The following SLC8A1 variants were observed in gnomAD, a reference collection of about 807,000 sequenced individuals.
SLC8A1 encodes solute carrier family 8 member A1, also known as sodium/calcium exchanger 1.
Under a neutral mutation model 68.3 loss-of-function variants are expected in SLC8A1, and 18 were observed. That is an observed-to-expected ratio of 0.26 (90% CI 0.18 to 0.39). SLC8A1 has a LOEUF of 0.39. SLC8A1 is among the 10% of genes least tolerant of loss of function. The pLI, the probability that SLC8A1 is intolerant of heterozygous loss-of-function variation, is 1.00. For synonymous variants in SLC8A1, 475 were observed against 415.5 expected, an observed-to-expected ratio of 1.14 and a Z score of -1.74; for missense variants, 985 against 1,156.7, an observed-to-expected ratio of 0.85 and a Z score of 2.15.
exon 6 of SLC8A1, chr2:40,160,790 G>T: frequency 6.2e-7 from 1 of 1,613,186 alleles, no homozygotes. Context: ...TAGCTTCAAT[G>T]AACTGTTCTC....
At chr2:40,152,274 C>T (rs956527226) in intron 6 of SLC8A1, among the ~76,000 whole-genome samples, 1 of 152,146 alleles carries the variant, frequency 6.6e-6, no homozygotes, top group Non-Finnish European at 1.5e-5. Flanking sequence ...CAGCAAACAA[C>T]CTTCCAATAT....
intron 1 of SLC8A1, among the ~76,000 whole-genome samples, chr2:40,457,946 G>T (rs1208405894): frequency 6.6e-6 from 1 of 152,182 alleles, no homozygotes. Flanking sequence ...CTGTACGCAT[G>T]TATCAGCTGG....
chr2:40,326,832 T>A (rs1018367494), intron 2 of SLC8A1, among the ~76,000 whole-genome samples: 1 of 152,118 alleles, frequency 6.6e-6, no homozygotes, highest in Admixed American at 6.6e-5. Flanking sequence ...TCCATTTAAA[T>A]TGACGATGTA....
At chr2:40,288,464 T>G (rs965530152) in intron 2 of SLC8A1, among the ~76,000 whole-genome samples, 3 of 152,104 alleles carry the variant, frequency 2.0e-5, no homozygotes, top group Non-Finnish European at 2.9e-5. Flanking sequence ...GGTCATGGCT[T>G]GGCTAATATT....
intron 1 of SLC8A1, among the ~76,000 whole-genome samples, chr2:40,442,631 C>G (rs931975166): frequency 6.6e-6 from 1 of 152,038 alleles, no homozygotes; most frequent in South Asian, 2.1e-4. Flanking sequence ...TGTGGACAAA[C>G]AGAAATGCTT....
In SLC8A1 at chr2:40,269,055, G is replaced by C. The variant is rs571137408; in HGVS notation, c.1809-91200C>G. On this transcript the variant is annotated intron_variant, in intron 2 of 7. Transcript: ENST00000406785. ...ATGCTCCTATGAAAACCACGAAGATGATGGGTCTATGAGACCTGAGAGAGT... is the reference window on the plus strand; with the variant it reads ...ATGCTCCTATGAAAACCACGAAGATCATGGGTCTATGAGACCTGAGAGAGT... Among the ~76,000 whole-genome samples the C allele has an allele frequency of 2.6e-5, 4 of 152,314 alleles. No homozygotes were observed. The East Asian group carries it at 5.8e-4, about 22-fold the overall frequency.
At position 40,429,391 on chromosome 2, in the gene SLC8A1, T is replaced by C. The variant is rs769326076; in HGVS notation, c.890A>G (p.Asn297Ser). The C allele has an allele frequency of 1.6e-5, 26 of 1,613,818 alleles. No individual in the cohort carries two copies. The Admixed American group carries it at 2.2e-4, about 13-fold the overall frequency. The change falls in exon 2 of 8, where the codon AAT becomes AGT. Residue 297 changes from asparagine (N) to serine (S), a missense_variant. Transcript: ENST00000406785. ...ATCTAAGAAATTTTCAACATGAGAA[T>C]TGACCACTTTCCCGTCCATTTCAAT...
chr2:40,269,386 G>A (rs1173583984), intron 2 of SLC8A1, among the ~76,000 whole-genome samples: 4 of 152,056 alleles, frequency 2.6e-5, no homozygotes, highest in Non-Finnish European at 5.9e-5. Context: ...CTTCCACTTC[G>A]AAGAAAATGG....
intron 2 of SLC8A1, among the ~76,000 whole-genome samples, chr2:40,347,329 C>G (rs1392653578): frequency 6.6e-6 from 1 of 152,192 alleles, no homozygotes; most frequent in Non-Finnish European, 1.5e-5. Flanking sequence ...ATCAACCTAA[C>G]CATGTAAAAG....
In SLC8A1 at chr2:40,357,663, A is replaced by T. The variant is rs1673139796; in HGVS notation, c.1808+70810T>A. On this transcript the variant is annotated intron_variant, in intron 2 of 7. Coordinates refer to ENST00000406785, the Ensembl canonical transcript of SLC8A1. ...TATGTAACAAACCTGCACGTTCTGCACATGTATCCGAGAACTTAAAGTATA... is the reference window on the plus strand; with the variant it reads ...TATGTAACAAACCTGCACGTTCTGCTCATGTATCCGAGAACTTAAAGTATA... 2.0e-5 allele frequency among the ~76,000 whole-genome samples: 3 copies of T among 152,172 alleles called. No individual in the cohort carries two copies. The South Asian group carries it at 6.2e-4, about 32-fold the overall frequency.
At chr2:40,409,794 G>T (rs1576239871) in intron 2 of SLC8A1, among the ~76,000 whole-genome samples, 1 of 152,210 alleles carries the variant, frequency 6.6e-6, no homozygotes, top group Non-Finnish European at 1.5e-5. Context: ...ACACAGAAAA[G>T]GCAGTGAGAA....
chr2:40,199,719 G>A (rs1313251819), intron 2 of SLC8A1, among the ~76,000 whole-genome samples: 1 of 151,664 alleles, frequency 6.6e-6, no homozygotes, highest in African/African-American at 2.4e-5. Flanking sequence ...CAAAAACTCA[G>A]CCATAGAGTT....
intron 2 of SLC8A1, among the ~76,000 whole-genome samples, chr2:40,253,286 A>ATG (rs1263343343): frequency 2.0e-5 from 3 of 150,726 alleles, no homozygotes; most frequent in Admixed American, 6.6e-5. Context: ...TGACGTATAT[A>ATG]TGTGTATATA....
chr2:40,104,226 A>G (rs2034064340), exon 8 of SLC8A1: 1 of 152,230 alleles, frequency 6.6e-6, no homozygotes, highest in Non-Finnish European at 1.5e-5. Flanking sequence ...TCACTGAAAT[A>G]GAACCACATG....
At chr2:40,376,019 A>T (rs1559439828) in intron 2 of SLC8A1, among the ~76,000 whole-genome samples, 1 of 152,058 alleles carries the variant, frequency 6.6e-6, no homozygotes, top group South Asian at 2.1e-4. Flanking sequence ...TAAATAAATA[A>T]ATAAAAAGTT....
At chr2:40,403,929 T>C (rs1559541469) in intron 2 of SLC8A1, among the ~76,000 whole-genome samples, 1 of 152,250 alleles carries the variant, frequency 6.6e-6, no homozygotes, top group Non-Finnish European at 1.5e-5. Flanking sequence ...TGAATATTAG[T>C]TGTCACTATT....
At chr2:40,430,660 C>T (rs901518321) in intron 1 of SLC8A1, among the ~76,000 whole-genome samples, 6 of 152,162 alleles carry the variant, frequency 3.9e-5, no homozygotes, top group African/African-American at 7.2e-5. Flanking sequence ...ATGCTAATAG[C>T]CAAAATCACA....
chr2:40,336,983 T>C (rs1163731009), intron 2 of SLC8A1, among the ~76,000 whole-genome samples: 1 of 152,146 alleles, frequency 6.6e-6, no homozygotes, highest in Non-Finnish European at 1.5e-5. Context: ...CAAATTGATA[T>C]TCAGTAACTA....
At chr2:40,149,407 A>C (rs1404616178) in intron 6 of SLC8A1, among the ~76,000 whole-genome samples, 1 of 152,216 alleles carries the variant, frequency 6.6e-6, no homozygotes, top group Non-Finnish European at 1.5e-5. Flanking sequence ...TACTGATATG[A>C]GTTATGAATA....
Sources: gnomAD v4.1 joint callset for allele counts (sites outside exome capture counted in the v4.1 genomes callset) on GRCh38, gnomAD v4.1.1 for gene constraint, MANE v1.5 for transcripts, NCBI Gene and HGNC (gene_info 2026-07-23, HGNC 2026-07-21) for gene names.